The following PTPRM variants were observed in gnomAD, a reference collection of about 807,000 sequenced individuals.
PTPRM encodes the protein receptor-type tyrosine-protein phosphatase mu.
PTPRM carries 47 observed loss-of-function variants against 186.7 expected under a neutral mutation model. That is an observed-to-expected ratio of 0.25 (90% CI 0.20 to 0.32). The LOEUF is 0.32. Ranked by LOEUF, PTPRM falls within the 10% of genes least tolerant of loss-of-function variation. PTPRM has a pLI of 1.00. For synonymous variants in PTPRM, 668 were observed against 674.9 expected (o/e 0.99, Z 0.16); for missense variants, 1,494 against 1,865.0 (o/e 0.80, Z 3.66).
At chr18:8,071,488 A>G (rs2089473348) in intron 8 of PTPRM, among the ~76,000 whole-genome samples, 1 of 152,010 alleles carries the variant, frequency 6.6e-6, no homozygotes, top group Non-Finnish European at 1.5e-5. Context: ...TTAAAAATGT[A>G]TTTTCATCTT....
intron 7 of PTPRM, among the ~76,000 whole-genome samples, chr18:8,011,416 C>T (rs1347594323): frequency 6.6e-6 from 1 of 152,146 alleles, no homozygotes; most frequent in Non-Finnish European, 1.5e-5. Context: ...ATCTCTAGCC[C>T]TCTGTGCCAG....
intron 2 of PTPRM, among the ~76,000 whole-genome samples, chr18:7,823,925 C>T (rs1389269973): frequency 3.3e-5 from 5 of 152,130 alleles, no homozygotes; most frequent in Admixed American, 3.3e-4. Flanking sequence ...CTCTAGAGAA[C>T]CCTGACTAAT....
At chr18:7,711,751 G>C (rs1013787407) in intron 1 of PTPRM, among the ~76,000 whole-genome samples, 2 of 152,140 alleles carry the variant, frequency 1.3e-5, no homozygotes, top group Non-Finnish European at 2.9e-5. Flanking sequence ...CCACAGCTCT[G>C]CAAAGCCACT....
At chr18:8,204,800 C>G (rs1489821542) in intron 14 of PTPRM, among the ~76,000 whole-genome samples, 1 of 151,976 alleles carries the variant, frequency 6.6e-6, no homozygotes, top group African/African-American at 2.4e-5. Context: ...AAAACCCTAA[C>G]ACTTCCCATC....
chr18:7,976,706 AG>A (rs2054968914), intron 7 of PTPRM, among the ~76,000 whole-genome samples: 2 of 152,214 alleles, frequency 1.3e-5, no homozygotes, highest in African/African-American at 4.8e-5. Context: ...AACAAAATCA[AG>A]GGTTTGGGGA....
chr18:8,055,781 T>A (rs2087883354), intron 7 of PTPRM, among the ~76,000 whole-genome samples: 2 of 152,338 alleles, frequency 1.3e-5, no homozygotes, highest in South Asian at 4.1e-4. Context: ...TTTGTATTTG[T>A]GTTTGCTGGA....
At chr18:8,233,067 C>G (rs1028338435) in intron 14 of PTPRM, among the ~76,000 whole-genome samples, 1 of 152,134 alleles carries the variant, frequency 6.6e-6, no homozygotes, top group Admixed American at 6.6e-5. Flanking sequence ...AACCTTTTGG[C>G]GACAGGAGCA....
intron 1 of PTPRM, among the ~76,000 whole-genome samples, chr18:7,729,085 A>G (rs1300293444): frequency 6.6e-6 from 1 of 151,596 alleles, no homozygotes; most frequent in Admixed American, 6.6e-5. Flanking sequence ...TAATTTTTAA[A>G]TTTTTTGTAG....
intron 7 of PTPRM, among the ~76,000 whole-genome samples, chr18:7,983,269 G>A (rs9807780): frequency 0.33 from 50,281 of 151,670 alleles, 9,391 homozygotes; most frequent in Non-Finnish European, 0.43. Flanking sequence ...CTGTGCATGC[G>A]AGGGATCTAA....
chr18:8,339,734 T>C (rs1488597782), intron 22 of PTPRM, among the ~76,000 whole-genome samples: 1 of 147,648 alleles, frequency 6.8e-6, no homozygotes, highest in Non-Finnish European at 1.5e-5. Flanking sequence ...TGTTGGCTCA[T>C]GATGGTCGTG....
chr18:8,273,646 A>G (rs549632539), intron 19 of PTPRM, among the ~76,000 whole-genome samples: 4 of 152,184 alleles, frequency 2.6e-5, no homozygotes, highest in Non-Finnish European at 5.9e-5. Context: ...TCCTCCCAGT[A>G]AAAACATATT....
chr18:8,070,708 G>GT (rs2089418687), intron 8 of PTPRM, among the ~76,000 whole-genome samples: 1 of 152,172 alleles, frequency 6.6e-6, no homozygotes, highest in Non-Finnish European at 1.5e-5. Context: ...GAACCCTTGT[G>GT]TGTAATGACA....
intron 1 of PTPRM, among the ~76,000 whole-genome samples, chr18:7,731,223 A>G (rs1466005211): frequency 6.6e-6 from 1 of 152,248 alleles, no homozygotes; most frequent in East Asian, 1.9e-4. Context: ...TTCAATATCC[A>G]GTAAATTCCT....
chr18:8,198,035 A>G (rs995855891), intron 14 of PTPRM, among the ~76,000 whole-genome samples: 4 of 152,162 alleles, frequency 2.6e-5, no homozygotes, highest in Non-Finnish European at 4.4e-5. Flanking sequence ...TTCTGTGTGG[A>G]CACTCTGCCT....
At chr18:7,707,448 TAGTG>T (rs1056103400) in intron 1 of PTPRM, among the ~76,000 whole-genome samples, 3 of 151,658 alleles carry the variant, frequency 2.0e-5, no homozygotes, top group Admixed American at 6.6e-5. Context: ...TTGTGCAACA[TAGTG>T]AGAACCCTTC....
chr18:7,985,441 A>ATAAATATATACATATACTGGTAGATACG (rs1358846172), intron 7 of PTPRM, among the ~76,000 whole-genome samples: 40 of 132,708 alleles, frequency 3.0e-4, no homozygotes, highest in East Asian at 8.2e-4. Context: ...AGATACGTAT[A>ATAAATATATACATATACTGGTAGATACG]TAAATATATA....
At chr18:8,366,263 C>G (rs1470800657) in intron 23 of PTPRM, among the ~76,000 whole-genome samples, 1 of 152,232 alleles carries the variant, frequency 6.6e-6, no homozygotes, top group Non-Finnish European at 1.5e-5. Context: ...AGCCAGCACT[C>G]CAGCCTGGCA....
At position 7,646,095 on chromosome 18, in the gene PTPRM, G is replaced by T. The variant is rs915732335; in HGVS notation, c.73+78204G>T. The stretch of plus-strand genomic sequence containing the variant: ...TTGGTGAGCCTGGAAGCAGGGATTG[G>T]AATCCATTGGAAGACATCAGGTTTC... On this transcript the variant is annotated intron_variant, in intron 1 of 32. Coordinates refer to ENST00000580170, the MANE Select transcript of PTPRM (RefSeq NM_001105244.2). 2.0e-5 allele frequency among the ~76,000 whole-genome samples: 3 copies of T among 152,154 alleles called. No homozygotes were observed. In the East Asian group the frequency reaches 5.8e-4, roughly 29 times the overall value.
rs767632178 is a variant in PTPRM, at chr18:7,888,023, C to A, written c.197-83C>A. The A allele has an allele frequency of 3.9e-5, 60 of 1,528,986 alleles. 1 individual carries two copies. The Admixed American group carries it at 9.9e-4, about 25-fold the overall frequency. 94.7% of individuals were successfully genotyped at this position (1,528,986 alleles called of 1,614,324 possible). The stretch of plus-strand genomic sequence containing the variant: ...GTAAGACATGGAATTGCAGTGCCAA[C>A]CCATGTAAATGGTGGTGGGTTTTCA... On this transcript the variant is annotated intron_variant, in intron 2 of 32. Transcript: ENST00000580170.
Sources: gnomAD v4.1 joint callset for allele counts (sites outside exome capture counted in the v4.1 genomes callset) on GRCh38, gnomAD v4.1.1 for gene constraint, MANE v1.5 for transcripts, NCBI Gene and HGNC (gene_info 2026-07-23, HGNC 2026-07-21) for gene names.